Variants in TAF1 observed in about 807,000 individuals in gnomAD.
TAF1 encodes TATA-box binding protein associated factor 1, also known as transcription initiation factor TFIID subunit 1.
Under a neutral mutation model 138.5 loss-of-function variants are expected in TAF1, and 2 were observed. That is an observed-to-expected ratio of 0.01 (90% CI 0.01 to 0.05). The LOEUF (loss-of-function observed/expected upper bound fraction) is 0.05, where lower values mean the gene tolerates loss of function less well. Ranked by LOEUF, TAF1 falls within the 10% of genes least tolerant of loss-of-function variation. The pLI, the probability that TAF1 is intolerant of heterozygous loss-of-function variation, is 1.00. For missense variants in TAF1, 709 were observed against 1,478.0 expected (o/e 0.48, Z 8.53); for synonymous variants, 437 against 503.2 (o/e 0.87, Z 1.76).
At chrX:71,402,013 T>C (rs1411235768) in intron 25 of TAF1, among the ~76,000 whole-genome samples, 1 of 112,269 alleles carries the variant, frequency 8.9e-6, no homozygotes, top group Non-Finnish European at 1.9e-5. Context: ...GAAGATAAAA[T>C]GAGACAGACT....
intron 13 of TAF1, among the ~76,000 whole-genome samples, chrX:71,509,708 C>G (rs779374699): frequency 9.0e-6 from 1 of 110,554 alleles, no homozygotes; most frequent in Non-Finnish European, 1.9e-5. Context: ...TGTGGTGGCT[C>G]ATGCCTTAAT....
intron 28 of TAF1, among the ~76,000 whole-genome samples, chrX:71,413,057 G>C (rs2035881256): frequency 9.0e-6 from 1 of 111,304 alleles, no homozygotes; most frequent in African/African-American, 3.3e-5. Flanking sequence ...CCTCATTGGA[G>C]CATTTGGATT....
At chrX:71,419,403 C>T (rs969495743) in intron 28 of TAF1, among the ~76,000 whole-genome samples, 7 of 110,390 alleles carry the variant, frequency 6.3e-5, no homozygotes, top group Non-Finnish European at 1.3e-4. Flanking sequence ...AAAACAAAAA[C>T]ACCCCTAAAC....
chrX:71,409,666 AC>A (rs762243567), intron 28 of TAF1, among the ~76,000 whole-genome samples: 5 of 111,155 alleles, frequency 4.5e-5, no homozygotes, highest in African/African-American at 6.5e-5. Flanking sequence ...TAGTAGTACT[AC>A]GTGAATTTTA....
intron 32 of TAF1, 108 bp from the exon 33 acceptor site, chrX:71,454,062 G>C: frequency 1.5e-6 from 1 of 655,005 alleles, no homozygotes; most frequent in South Asian, 3.0e-5. Flanking sequence ...TTAAAGCTGA[G>C]GCATGGTTTT....
intron 1 of TAF1, 33 bp from the exon 2 acceptor site, chrX:71,367,466 T>A: frequency 1.7e-6 from 2 of 1,199,588 alleles, no homozygotes; most frequent in Non-Finnish European, 2.3e-6. Flanking sequence ...TAGGTTTAGT[T>A]GTTATCTTCG....
chrX:71,440,218 CTT>C (rs2037344943), intron 32 of TAF1, among the ~76,000 whole-genome samples: 1 of 111,667 alleles, frequency 9.0e-6, no homozygotes, highest in Non-Finnish European at 1.9e-5. Flanking sequence ...TTGAGATTGA[CTT>C]TTTTCGCAAA....
chrX:71,491,410 A>T (rs949229086), intron 13 of TAF1, among the ~76,000 whole-genome samples: 1 of 110,992 alleles, frequency 9.0e-6, no homozygotes, highest in African/African-American at 3.3e-5. Context: ...TGTGGAGGAA[A>T]GGGAAGCATC....
chrX:71,396,618 C>A (rs1267422553), intron 22 of TAF1, among the ~76,000 whole-genome samples: 1 of 111,943 alleles, frequency 8.9e-6, no homozygotes, highest in African/African-American at 3.2e-5. Flanking sequence ...GTAATGTGAT[C>A]ATCACCCACT....
intron 28 of TAF1, among the ~76,000 whole-genome samples, chrX:71,411,079 G>C (rs2035762421): frequency 9.1e-6 from 1 of 110,076 alleles, no homozygotes; most frequent in South Asian, 3.8e-4. Context: ...CACTACACCC[G>C]GCTGATTTTC....
At chrX:71,450,949 C>T (rs1196942115) in intron 32 of TAF1, among the ~76,000 whole-genome samples, 2 of 112,169 alleles carry the variant, frequency 1.8e-5, no homozygotes, top group African/African-American at 6.5e-5. Context: ...ACAGCTGCTA[C>T]TAAGCCCCAG....
intron 28 of TAF1, 62 bp downstream of exon 28, chrX:71,408,213 C>T (rs1356790512): frequency 1.7e-6 from 2 of 1,159,152 alleles, no homozygotes; most frequent in African/African-American, 3.6e-5. Context: ...CCTTACTGGC[C>T]CTAAATTCAG....
chrX:71,494,303 G>A (rs1455329547), intron 13 of TAF1, among the ~76,000 whole-genome samples: 1 of 108,814 alleles, frequency 9.2e-6, no homozygotes, highest in Non-Finnish European at 1.9e-5. Flanking sequence ...CACACCTGTA[G>A]TCCTAGCTAC....
At chrX:71,421,488 G>C (rs1273834862) in intron 29 of TAF1, 112 bp downstream of exon 29, 1 of 622,735 alleles carries the variant, frequency 1.6e-6, no homozygotes, top group Non-Finnish European at 2.5e-6. Flanking sequence ...GGGAGTAGCA[G>C]ATCTTTAGTA....
At chrX:71,473,811 T>G (rs904619017) in intron 13 of TAF1, among the ~76,000 whole-genome samples, 4 of 109,077 alleles carry the variant, frequency 3.7e-5, no homozygotes, top group African/African-American at 1.3e-4. Context: ...GGAAGGAAGG[T>G]GAGGGTTGGG....
intron 13 of TAF1, among the ~76,000 whole-genome samples, chrX:71,508,066 T>TTC (rs369650229): frequency 0.18 from 14,820 of 83,188 alleles, 1,460 homozygotes; most frequent in East Asian, 0.24. Flanking sequence ...TATATGAATA[T>TTC]TCTCTCTCTC....
intron 28 of TAF1, among the ~76,000 whole-genome samples, chrX:71,408,883 G>A (rs976712603): frequency 9.1e-6 from 1 of 109,708 alleles, no homozygotes; most frequent in African/African-American, 3.3e-5. Context: ...GCGTAGTGGC[G>A]GGCGCCTGTA....
intron 25 of TAF1, among the ~76,000 whole-genome samples, chrX:71,403,281 A>G (rs751402988): frequency 9.0e-6 from 1 of 111,572 alleles, no homozygotes; most frequent in South Asian, 3.7e-4. Flanking sequence ...CTCCTGCCTC[A>G]GCTTCCCAAA....
chrX:71,516,508 G>A (rs1044129790), intron 13 of TAF1, among the ~76,000 whole-genome samples: 4 of 109,972 alleles, frequency 3.6e-5, no homozygotes, highest in Admixed American at 9.8e-5. Flanking sequence ...CACGTGCAGC[G>A]GCTCACGCCT....
Sources: allele counts gnomAD v4.1 joint callset (sites outside exome capture counted in the v4.1 genomes callset), GRCh38; gene constraint gnomAD v4.1.1; transcripts MANE v1.5; gene names NCBI Gene and HGNC (gene_info 2026-07-23, HGNC 2026-07-21).